CADPS2: variants seen among roughly 807,000 people sequenced by gnomAD.
The protein encoded by CADPS2 is calcium-dependent secretion activator 2.
CADPS2 carries 93 observed loss-of-function variants against 172.5 expected under a neutral mutation model. The ratio of observed to expected loss-of-function variants is 0.54; its 90% confidence interval spans 0.46 to 0.64. CADPS2 has a LOEUF of 0.64. CADPS2 is among the 30% of genes least tolerant of loss of function. The pLI is 0.00. For synonymous variants in CADPS2, 546 were observed against 555.2 expected (o/e 0.98, Z 0.23); for missense variants, 1,420 against 1,565.9 (o/e 0.91, Z 1.57).
At chr7:122,652,683 T>G (rs2079293851) in intron 3 of CADPS2, among the ~76,000 whole-genome samples, 1 of 152,206 alleles carries the variant, frequency 6.6e-6, no homozygotes, top group African/African-American at 2.4e-5. Context: ...ATCTTTACTT[T>G]TTTCTTAATA....
intron 17 of CADPS2, 105 bp downstream of exon 17, chr7:122,438,236 A>G: frequency 1.4e-6 from 2 of 1,398,886 alleles, no homozygotes; most frequent in Admixed American, 1.9e-5. Flanking sequence ...TCCCTTTGCC[A>G]TGGCACAGGA....
intron 11 of CADPS2, among the ~76,000 whole-genome samples, chr7:122,481,096 C>T (rs1160294366): frequency 6.6e-6 from 1 of 151,194 alleles, no homozygotes; most frequent in Non-Finnish European, 1.5e-5. Flanking sequence ...GAATTCATGG[C>T]ATTTCTCTGA....
intron 6 of CADPS2, among the ~76,000 whole-genome samples, chr7:122,600,824 T>C (rs559675503): frequency 1.3e-5 from 2 of 152,162 alleles, no homozygotes; most frequent in East Asian, 1.9e-4. Flanking sequence ...CAGAATCCAG[T>C]ATTTGCAGAC....
chr7:122,494,739 G>A (rs1192504598), intron 9 of CADPS2, among the ~76,000 whole-genome samples: 1 of 151,998 alleles, frequency 6.6e-6, no homozygotes, highest in African/African-American at 2.4e-5. Flanking sequence ...GGGAGAGATT[G>A]AGGCCAGTAT....
intron 1 of CADPS2, among the ~76,000 whole-genome samples, chr7:122,752,852 T>C (rs572296543): frequency 1.3e-5 from 2 of 152,258 alleles, no homozygotes; most frequent in East Asian, 3.9e-4. Context: ...AGTAATAATT[T>C]TCCTCGTTTA....
chr7:122,463,568 T>C (rs6963383), intron 14 of CADPS2, among the ~76,000 whole-genome samples: 9,773 of 152,152 alleles, frequency 0.064, 577 homozygotes, highest in African/African-American at 0.15. Context: ...AAAAACAGAA[T>C]TTAGTGGGGG....
At chr7:122,628,849 C>T (rs2134158238) in intron 4 of CADPS2, among the ~76,000 whole-genome samples, 1 of 150,610 alleles carries the variant, frequency 6.6e-6, no homozygotes, top group South Asian at 2.1e-4. Flanking sequence ...GTCAGAACCA[C>T]TATGTGCCAA....
At chr7:122,831,997 C>A (rs1020071084) in intron 1 of CADPS2, among the ~76,000 whole-genome samples, 3 of 152,150 alleles carry the variant, frequency 2.0e-5, no homozygotes, top group Non-Finnish European at 2.9e-5. Flanking sequence ...AATATACTCT[C>A]ACTTTAGGTG....
At chr7:122,861,950 C>T (rs189530009) in intron 1 of CADPS2, among the ~76,000 whole-genome samples, 34 of 152,320 alleles carry the variant, frequency 2.2e-4, no homozygotes, top group African/African-American at 7.0e-4. Flanking sequence ...GAATTCTATG[C>T]GCAGCCAATT....
At chr7:122,696,012 A>C (rs755667390) in intron 2 of CADPS2, among the ~76,000 whole-genome samples, 56 of 152,302 alleles carry the variant, frequency 3.7e-4, no homozygotes, top group Middle Eastern at 6.8e-3. Context: ...AGGTGCAGGG[A>C]CTGCCAACAC....
intron 1 of CADPS2, among the ~76,000 whole-genome samples, chr7:122,882,647 G>A (rs949964847): frequency 1.2e-4 from 17 of 140,860 alleles, no homozygotes; most frequent in African/African-American, 4.3e-4. Context: ...TTTCTCCTCC[G>A]AGGTCTCAAT....
chr7:122,510,667 G>T (rs1292857499), intron 9 of CADPS2, among the ~76,000 whole-genome samples: 1 of 152,122 alleles, frequency 6.6e-6, no homozygotes, highest in African/African-American at 2.4e-5. Flanking sequence ...GACACAGCAG[G>T]GGTATACTGT....
intron 27 of CADPS2, among the ~76,000 whole-genome samples, chr7:122,352,383 G>A (rs187761165): frequency 3.9e-4 from 60 of 152,282 alleles, no homozygotes; most frequent in African/African-American, 1.3e-3. Flanking sequence ...GATGGACTGG[G>A]ATGGGTTTAC....
chr7:122,867,590 C>T (rs1272262057), intron 1 of CADPS2, among the ~76,000 whole-genome samples: 3 of 152,184 alleles, frequency 2.0e-5, no homozygotes, highest in Non-Finnish European at 2.9e-5. Flanking sequence ...AGGGAGAGGG[C>T]ATCAGATGAT....
At chr7:122,610,873 G>A (rs2074208210) in intron 6 of CADPS2, among the ~76,000 whole-genome samples, 2 of 152,142 alleles carry the variant, frequency 1.3e-5, no homozygotes, top group Admixed American at 1.3e-4. Context: ...ATGGGTTTCA[G>A]AACTGGCAAG....
At chr7:122,367,443 C>A (rs974590721) in intron 25 of CADPS2, among the ~76,000 whole-genome samples, 9 of 151,216 alleles carry the variant, frequency 6.0e-5, no homozygotes, top group African/African-American at 2.2e-4. Context: ...TTAATTCATA[C>A]CCAGAAGTGA....
chr7:122,661,614 A>C (rs1377432975), intron 3 of CADPS2, among the ~76,000 whole-genome samples: 1 of 152,200 alleles, frequency 6.6e-6, no homozygotes, highest in Non-Finnish European at 1.5e-5. Flanking sequence ...AAGAGCTTGA[A>C]AGTCATCACT....
chr7:122,504,565 G>A (rs2059470109), intron 9 of CADPS2, among the ~76,000 whole-genome samples: 1 of 151,840 alleles, frequency 6.6e-6, no homozygotes, highest in African/African-American at 2.4e-5. Context: ...CACTCTCAGG[G>A]CATGTTTCTT....
rs188472384 is a variant in CADPS2, at chr7:122,822,404, G to T, written c.339+63595C>A. On this transcript the variant is annotated intron_variant, in intron 1 of 29. Transcript: ENST00000449022. The stretch of plus-strand genomic sequence containing the variant: ...TTCAGCTTAATCTCTCCCACTCTAG[G>T]TTCCCACACCGCCCCTAATCCTGCT... Among the ~76,000 whole-genome samples the T allele has an allele frequency of 5.1e-3, 773 of 151,830 alleles. 5 individuals carry two copies. The highest frequency in any genetic ancestry group is 0.018 in the African/African-American group (750 of 41,362).
Sources: allele counts gnomAD v4.1 joint callset (sites outside exome capture counted in the v4.1 genomes callset), GRCh38; gene constraint gnomAD v4.1.1; transcripts MANE v1.5; gene names NCBI Gene and HGNC (gene_info 2026-07-23, HGNC 2026-07-21).